The following CDH18 variants were observed in gnomAD, a reference collection of about 807,000 sequenced individuals.
The protein encoded by CDH18 is cadherin-18.
A neutral mutation model predicts 67.9 loss-of-function variants in CDH18; 31 were observed. The ratio of observed to expected loss-of-function variants is 0.46; its 90% CI spans 0.34 to 0.62. CDH18 has a LOEUF of 0.62. CDH18 is among the 20% of genes least tolerant of loss of function. The probability of loss-of-function intolerance (pLI) is 0.01; values close to 1 mark genes in which losing one functional copy is unlikely to be tolerated. For missense variants in CDH18, 890 were observed against 975.5 expected (o/e 0.91, Z 1.17); for synonymous variants, 362 against 347.2 (o/e 1.04, Z -0.48).
At chr5:19,496,353 T>C (rs1326892756) in intron 11 of CDH18, among the ~76,000 whole-genome samples, 1 of 152,210 alleles carries the variant, frequency 6.6e-6, no homozygotes, top group Non-Finnish European at 1.5e-5. Flanking sequence ...AAACATATTA[T>C]CATTTGATCT....
At chr5:20,471,071 T>C (rs1025207542) in intron 1 of CDH18, among the ~76,000 whole-genome samples, 3 of 149,268 alleles carry the variant, frequency 2.0e-5, no homozygotes, top group African/African-American at 7.7e-5. Context: ...TCTGTGCTTC[T>C]CTATCTCTCT....
chr5:20,232,908 G>A (rs1742184302), intron 2 of CDH18, among the ~76,000 whole-genome samples: 1 of 151,328 alleles, frequency 6.6e-6, no homozygotes, highest in Non-Finnish European at 1.5e-5. Flanking sequence ...AGTTCCCAAG[G>A]GCTATTTTAC....
At chr5:19,615,316 A>T (rs1317569294) in intron 5 of CDH18, among the ~76,000 whole-genome samples, 1 of 152,178 alleles carries the variant, frequency 6.6e-6, no homozygotes, top group African/African-American at 2.4e-5. Context: ...TGGAACCCAG[A>T]CGCATTTTCT....
At chr5:19,835,290 G>A (rs575954200) in intron 3 of CDH18, among the ~76,000 whole-genome samples, 18 of 152,002 alleles carry the variant, frequency 1.2e-4, no homozygotes, top group South Asian at 6.2e-4. Flanking sequence ...CAAATACCAC[G>A]TTCTCACTCA....
intron 2 of CDH18, among the ~76,000 whole-genome samples, chr5:20,230,989 C>A (rs1459057116): frequency 6.6e-6 from 1 of 152,144 alleles, no homozygotes; most frequent in African/African-American, 2.4e-5. Context: ...ATGCTCTTTG[C>A]AAGAAGTCTG....
chr5:20,428,450 G>T (rs949896343), intron 1 of CDH18, among the ~76,000 whole-genome samples: 2 of 152,110 alleles, frequency 1.3e-5, no homozygotes, highest in Non-Finnish European at 2.9e-5. Flanking sequence ...AAACCTTTGG[G>T]TATAAACCCA....
At chr5:20,308,793 T>C (rs1281692491) in intron 1 of CDH18, among the ~76,000 whole-genome samples, 2 of 152,176 alleles carry the variant, frequency 1.3e-5, no homozygotes, top group Admixed American at 6.5e-5. Flanking sequence ...TTTAAATGGC[T>C]GTATCTATGC....
At chr5:20,235,019 A>G (rs1483737593) in intron 2 of CDH18, among the ~76,000 whole-genome samples, 2 of 152,248 alleles carry the variant, frequency 1.3e-5, no homozygotes, top group African/African-American at 2.4e-5. Flanking sequence ...CCTATATTAT[A>G]AAATTTAAAA....
At chr5:20,545,226 C>T (rs755168882) in intron 1 of CDH18, among the ~76,000 whole-genome samples, 5 of 152,166 alleles carry the variant, frequency 3.3e-5, no homozygotes, top group African/African-American at 1.2e-4. Context: ...CAGGAGCTGG[C>T]ATTGGGTACT....
intron 1 of CDH18, among the ~76,000 whole-genome samples, chr5:20,267,022 A>G (rs1177372381): frequency 1.3e-5 from 2 of 152,332 alleles, no homozygotes; most frequent in Non-Finnish European, 2.9e-5. Flanking sequence ...GTGCAATTCA[A>G]TGTTTGAAGA....
intron 2 of CDH18, among the ~76,000 whole-genome samples, chr5:20,219,413 A>G (rs1363442930): frequency 1.3e-5 from 2 of 151,784 alleles, no homozygotes; most frequent in Non-Finnish European, 2.9e-5. Flanking sequence ...AAGAACTAAT[A>G]TCAATCTTAC....
chr5:20,059,161 G>T (rs745856055), intron 2 of CDH18, among the ~76,000 whole-genome samples: 1 of 151,998 alleles, frequency 6.6e-6, no homozygotes, highest in Non-Finnish European at 1.5e-5. Flanking sequence ...TATTTCTGTG[G>T]GATTGGTGGT....
intron 5 of CDH18, among the ~76,000 whole-genome samples, chr5:19,626,025 T>A (rs1751484820): frequency 6.6e-6 from 1 of 152,076 alleles, no homozygotes; most frequent in East Asian, 1.9e-4. Flanking sequence ...TTAGCTGAAC[T>A]AAGGAAAAGC....
At chr5:19,846,803 A>C (rs1783018433) in intron 2 of CDH18, among the ~76,000 whole-genome samples, 1 of 152,168 alleles carries the variant, frequency 6.6e-6, no homozygotes, top group South Asian at 2.1e-4. Flanking sequence ...ATCTTTTGTA[A>C]GACAGGTCTT....
chr5:19,990,216 C>T (rs1799904800), upstream of CDH18, among the ~76,000 whole-genome samples: 1 of 152,106 alleles, frequency 6.6e-6, no homozygotes, highest in Non-Finnish European at 1.5e-5. Flanking sequence ...TGTAAGAGGT[C>T]CTATAGTTTA....
intron 1 of CDH18, among the ~76,000 whole-genome samples, chr5:20,348,814 C>T (rs561036690): frequency 1.4e-4 from 21 of 152,278 alleles, no homozygotes; most frequent in Middle Eastern, 6.8e-3. Flanking sequence ...CCACCCTTCT[C>T]TATAAGCAGA....
intron 4 of CDH18, among the ~76,000 whole-genome samples, chr5:19,734,790 T>C (rs73055680): frequency 0.086 from 13,089 of 152,226 alleles, 1,189 homozygotes; most frequent in East Asian, 0.25. Flanking sequence ...TGGTACCCTA[T>C]CTTATTATTG....
In CDH18 at chr5:20,554,808, C is replaced by G. The variant is rs190836076; in HGVS notation, c.-580+20654G>C. Reference sequence around the variant, plus strand: ...AGCTTATGAGTTGGAACACTTGAACCCTGTGCCACCAGATAAGCCACTCTA... The same window carrying G: ...AGCTTATGAGTTGGAACACTTGAACGCTGTGCCACCAGATAAGCCACTCTA... On this transcript the variant is annotated intron_variant, in intron 1 of 14. Coordinates refer to the CDH18 transcript ENST00000507958. 1.7e-3 allele frequency among the ~76,000 whole-genome samples: 252 copies of G among 152,224 alleles called. 1 individual carries two copies. The highest frequency in any genetic ancestry group is 3.0e-3 in the Admixed American group (46 of 15,280).
chr5:20,242,901 T>C (rs571087596), intron 2 of CDH18, among the ~76,000 whole-genome samples: 7 of 151,906 alleles, frequency 4.6e-5, no homozygotes, highest in African/African-American at 7.3e-5. Context: ...AAATTCTTCA[T>C]TGAAATCAAG....
Sources: allele counts gnomAD v4.1 joint callset (sites outside exome capture counted in the v4.1 genomes callset), GRCh38; gene constraint gnomAD v4.1.1; transcripts MANE v1.5; gene names NCBI Gene and HGNC (gene_info 2026-07-23, HGNC 2026-07-21).